PDE1C: variants seen among roughly 807,000 people sequenced by gnomAD.
PDE1C encodes the protein dual specificity calcium/calmodulin-dependent 3',5'-cyclic nucleotide phosphodiesterase 1C.
A neutral mutation model predicts 93.1 loss-of-function variants in PDE1C; 62 were observed. The observed-to-expected ratio is 0.67, with a 90% CI of 0.54 to 0.82. The LOEUF (loss-of-function observed/expected upper bound fraction) is 0.82. PDE1C is among the 40% of genes least tolerant of loss of function. The pLI is 0.00. For missense variants in PDE1C, 742 were observed against 884.6 expected (o/e 0.84, Z 2.04); for synonymous variants, 325 against 310.1 (o/e 1.05, Z -0.50).
At chr7:31,934,802 G>A (rs777514279) in intron 2 of PDE1C, among the ~76,000 whole-genome samples, 38 of 152,086 alleles carry the variant, frequency 2.5e-4, no homozygotes, top group Admixed American at 4.6e-4. Context: ...CTGATGCTCA[G>A]GCTTGCCTGC....
At chr7:31,973,782 G>A (rs78438791) in intron 2 of PDE1C, among the ~76,000 whole-genome samples, 1,592 of 152,130 alleles carry the variant, frequency 0.01, 20 homozygotes, top group African/African-American at 0.036. Flanking sequence ...CTCTGGTTAC[G>A]GGGTCTACAT....
chr7:32,060,706 ATTCT>A (rs1348244988), intron 1 of PDE1C, among the ~76,000 whole-genome samples: 1 of 128,468 alleles, frequency 7.8e-6, no homozygotes, highest in African/African-American at 2.6e-5. Context: ...GCTTTGAACG[ATTCT>A]TTCATTTTTT....
chr7:31,873,445 C>T, intron 5 of PDE1C, 37 bp from the exon 6 acceptor site: 1 of 1,295,490 alleles, frequency 7.7e-7, no homozygotes. Flanking sequence ...CACATTAGCC[C>T]ACAGACACTT....
At chr7:32,192,016 C>G (rs924258561) in intron 2 of PDE1C, among the ~76,000 whole-genome samples, 2 of 152,062 alleles carry the variant, frequency 1.3e-5, no homozygotes, top group African/African-American at 4.8e-5. Flanking sequence ...TATATTTTCT[C>G]TGGTGAAATG....
intron 3 of PDE1C, among the ~76,000 whole-genome samples, chr7:32,149,684 G>A (rs186930680): frequency 1.4e-4 from 22 of 152,250 alleles, no homozygotes; most frequent in African/African-American, 5.1e-4. Flanking sequence ...ATTTTAGAAC[G>A]TGATACTATG....
chr7:31,922,770 G>A (rs572978823), intron 2 of PDE1C, among the ~76,000 whole-genome samples: 1 of 152,230 alleles, frequency 6.6e-6, no homozygotes, highest in African/African-American at 2.4e-5. Context: ...TCACTCAGTG[G>A]TTTATAAGAA....
intron 1 of PDE1C, among the ~76,000 whole-genome samples, chr7:32,407,102 T>C (rs569413399): frequency 2.0e-5 from 3 of 152,214 alleles, no homozygotes; most frequent in African/African-American, 4.8e-5. Flanking sequence ...GGTGAAACCC[T>C]GCCTCTACTA....
intron 2 of PDE1C, among the ~76,000 whole-genome samples, chr7:32,045,879 T>C (rs1191458566): frequency 6.6e-6 from 1 of 152,164 alleles, no homozygotes; most frequent in African/African-American, 2.4e-5. Flanking sequence ...CAATCTATTA[T>C]TACCAGCAAA....
At chr7:32,033,566 G>GAGCACAGTC (rs1264586893) in intron 2 of PDE1C, among the ~76,000 whole-genome samples, 2 of 151,944 alleles carry the variant, frequency 1.3e-5, no homozygotes, top group Non-Finnish European at 2.9e-5. Context: ...AGTGGTTCCC[G>GAGCACAGTC]AGCACAGTCA....
intron 1 of PDE1C, among the ~76,000 whole-genome samples, chr7:32,336,406 G>A (rs752801546): frequency 1.5e-4 from 23 of 152,092 alleles, no homozygotes; most frequent in South Asian, 4.1e-4. Context: ...ATATTTTACC[G>A]CATGTTGCCC....
upstream of PDE1C, among the ~76,000 whole-genome samples, chr7:32,302,584 T>A (rs1812906139): frequency 6.6e-6 from 1 of 152,202 alleles, no homozygotes; most frequent in South Asian, 2.1e-4. Context: ...TATCAAGTCT[T>A]TTGATTTGCT....
chr7:31,860,848 A>G (rs1794609108), intron 7 of PDE1C, among the ~76,000 whole-genome samples: 1 of 152,136 alleles, frequency 6.6e-6, no homozygotes, highest in African/African-American at 2.4e-5. Context: ...TTGTACTTAC[A>G]TCTTTAATTC....
chr7:32,086,832 G>A (rs1352195162), intron 3 of PDE1C, among the ~76,000 whole-genome samples: 3 of 152,014 alleles, frequency 2.0e-5, no homozygotes, highest in African/African-American at 4.8e-5. Context: ...TCCCTTCCTT[G>A]CACCTTATAC....
the PDE1C span, among the ~76,000 whole-genome samples, chr7:31,698,585 G>A: frequency 6.6e-6 from 1 of 152,210 alleles, no homozygotes; most frequent in African/African-American, 2.4e-5. Context: ...AGGACATGCA[G>A]AAGTCTAATC....
rs187015511 is a variant in PDE1C, at chr7:32,348,399, C to T, written c.310+79423G>A. On this transcript the variant is annotated intron_variant, in intron 1 of 1. Transcript: ENST00000672256. ...TTTTTTTTTGAGATGGGGTCTCGCT[C>T]TGTCACCCAGGCTGGAGTGCAGTGG... 2.8e-3 allele frequency among the ~76,000 whole-genome samples: 316 copies of T among 113,414 alleles called. 3 individuals are homozygous for T. The highest frequency in any genetic ancestry group is 9.7e-3 in the African/African-American group (292 of 29,960). 74.4% of individuals were successfully genotyped at this position (113,414 alleles called of 152,430 possible).
downstream of PDE1C, among the ~76,000 whole-genome samples, chr7:31,750,885 A>G (rs559994458): frequency 2.0e-5 from 3 of 152,274 alleles, no homozygotes; most frequent in South Asian, 6.2e-4. Flanking sequence ...CCAATTCTTA[A>G]CCACTAGCAA....
chr7:31,689,136 G>A, the PDE1C span, among the ~76,000 whole-genome samples: 1 of 152,202 alleles, frequency 6.6e-6, no homozygotes, highest in Admixed American at 6.5e-5. Context: ...CTCCAGGCTT[G>A]TCACAAGGGT....
chr7:32,408,714 A>G lies in PDE1C; in HGVS notation c.310+19108T>C, dbSNP rs537447349. Among the ~76,000 whole-genome samples the G allele has an allele frequency of 2.0e-5, 3 of 152,238 alleles. No homozygotes were observed. In the South Asian group the frequency reaches 6.2e-4, roughly 32 times the overall value. On this transcript the variant is annotated intron_variant, in intron 1 of 1. Coordinates refer to the PDE1C transcript ENST00000672256. ...TGAGGCAGGAGAATCGCTTGAACCC[A>G]GGAGGCGAAGGTTGCAGTGGGCCAA...
At chr7:31,701,102 A>T in the PDE1C span, among the ~76,000 whole-genome samples, 1 of 152,210 alleles carries the variant, frequency 6.6e-6, no homozygotes, top group Non-Finnish European at 1.5e-5. Context: ...GCAAACCTAG[A>T]GCTGCTATAG....
Sources: allele counts gnomAD v4.1 joint callset (sites outside exome capture counted in the v4.1 genomes callset), GRCh38; gene constraint gnomAD v4.1.1; transcripts MANE v1.5; gene names NCBI Gene and HGNC (gene_info 2026-07-23, HGNC 2026-07-21).